Variants in FAM20A observed in about 807,000 individuals in gnomAD.
FAM20A encodes FAM20A golgi associated secretory pathway pseudokinase, also known as pseudokinase FAM20A.
A neutral mutation model predicts 52.0 loss-of-function variants in FAM20A; 42 were observed. That is an observed-to-expected ratio of 0.81 (90% CI 0.63 to 1.04). The LOEUF is 1.04. Among genes scored for constraint, FAM20A ranks in the 50% least tolerant of loss-of-function variants. The pLI, the probability that FAM20A is intolerant of heterozygous loss-of-function variation, is 0.00. For synonymous variants in FAM20A, 304 were observed against 298.9 expected (o/e 1.02, Z -0.18); for missense variants, 742 against 712.7 (o/e 1.04, Z -0.47).
At position 68,574,225 on chromosome 17, in the gene FAM20A, C is replaced by T. The variant is rs886781651; in HGVS notation, c.405-18482G>A. On this transcript the variant is annotated intron_variant, in intron 1 of 10. Coordinates refer to ENST00000592554, the MANE Select transcript of FAM20A (RefSeq NM_017565.4). ...GACCACAGGCGTGTGCCACCATGCC[C>T]GGCTAATTTTGTTTATTTTTATAGA... Among the ~76,000 whole-genome samples, 6 of 152,010 alleles carry T rather than the reference C, an allele frequency of 3.9e-5. 1 individual carries two copies. In the East Asian group the frequency reaches 7.7e-4, roughly 20 times the overall value.
chr17:68,591,883 C>T (rs775148222), intron 1 of FAM20A: 7 of 152,258 alleles, frequency 4.6e-5, no homozygotes, highest in Non-Finnish European at 8.8e-5. Flanking sequence ...TGAGAGGTAT[C>T]TTTCTTTTTT....
intron 8 of FAM20A, 92 bp from the exon 9 acceptor site, chr17:68,540,058 A>T: frequency 9.2e-7 from 1 of 1,084,412 alleles, no homozygotes; most frequent in Non-Finnish European, 1.4e-6. Flanking sequence ...GAGGCCTGTC[A>T]TCACTTGAGA....
intron 1 of FAM20A, among the ~76,000 whole-genome samples, chr17:68,579,701 A>C (rs1304229118): frequency 1.3e-5 from 2 of 152,156 alleles, no homozygotes; most frequent in Admixed American, 1.3e-4. Context: ...TGCTCCACAC[A>C]CTGACTCAGG....
chr17:68,570,021 G>A (rs889274415), intron 1 of FAM20A, among the ~76,000 whole-genome samples: 8 of 152,138 alleles, frequency 5.3e-5, no homozygotes, highest in African/African-American at 1.9e-4. Flanking sequence ...GTCTATTTCT[G>A]TTTCTGCTTA....
At chr17:68,548,488 C>T (rs919218435) in intron 4 of FAM20A, among the ~76,000 whole-genome samples, 4 of 151,850 alleles carry the variant, frequency 2.6e-5, no homozygotes, top group African/African-American at 9.7e-5. Context: ...TGAGATTGAA[C>T]CATTGCACTC....
Position 68,600,708 on chromosome 17 carries a change from C to T in FAM20A, c.-42G>A. ...GGGACGCCGGGGGCAGGCCGGCTGT[C>T]TCCGGGGTCCCGGGAGGGGTCGCGG... On this transcript the variant is annotated 5_prime_UTR_variant, in exon 1 of 11. Transcript: ENST00000592554. This position sits in a 1 kb window ranked among gnomAD's most constrained non-coding sequence, Gnocchi z 6.2. The T allele has an allele frequency of 1.3e-6, 2 of 1,523,620 alleles. No homozygotes were observed. The highest frequency in any genetic ancestry group is 1.2e-5 in the South Asian group (1 of 82,872). 94.4% of individuals were successfully genotyped at this position (1,523,620 alleles called of 1,614,324 possible).
In FAM20A at chr17:68,542,695, T is replaced by C; in HGVS notation, c.927A>G (p.Pro309=). 1 of 1,611,968 alleles carries C rather than the reference T, an allele frequency of 6.2e-7. No homozygotes were observed. Among genetic ancestry groups the C allele is most frequent in the Non-Finnish European group, 8.5e-7 (1 of 1,178,072 alleles). ...EILQSVFFVS[P]ASNVCFFAKC... Reference sequence around the variant, plus strand: ...ATATCACTCGGGCCAGTACTCTACCTGGAGAGACAAAGAAAACACTCTGCA... The same window carrying C: ...ATATCACTCGGGCCAGTACTCTACCCGGAGAGACAAAGAAAACACTCTGCA... Residue 309 remains proline, a splice_region_variant and synonymous_variant, in exon 6 of 11, where the codon CCA becomes CCG. Transcript: ENST00000592554.
chr17:68,573,881 T>C (rs912734740), intron 1 of FAM20A, among the ~76,000 whole-genome samples: 1 of 151,952 alleles, frequency 6.6e-6, no homozygotes, highest in Non-Finnish European at 1.5e-5. Flanking sequence ...TTTCACCATG[T>C]TGGCCAGGCT....
intron 1 of FAM20A, among the ~76,000 whole-genome samples, chr17:68,592,294 A>C (rs2088335880): frequency 6.6e-6 from 1 of 152,232 alleles, no homozygotes; most frequent in Non-Finnish European, 1.5e-5. Flanking sequence ...GTTAAAAAAA[A>C]GTACGTGAGC....
chr17:68,589,754 A>G (rs564814786), intron 1 of FAM20A, among the ~76,000 whole-genome samples: 1 of 152,388 alleles, frequency 6.6e-6, no homozygotes, highest in East Asian at 1.9e-4. Flanking sequence ...ATTTATTGAT[A>G]TAAATCTAAC....
At chr17:68,561,601 T>G (rs2087215657) in intron 1 of FAM20A, among the ~76,000 whole-genome samples, 1 of 151,636 alleles carries the variant, frequency 6.6e-6, no homozygotes, top group African/African-American at 2.4e-5. Flanking sequence ...CTTTTTTTTT[T>G]TTTTTTTTTA....
At chr17:68,545,210 T>TA (rs1384416695) in intron 4 of FAM20A, among the ~76,000 whole-genome samples, 2 of 152,244 alleles carry the variant, frequency 1.3e-5, no homozygotes, top group Non-Finnish European at 2.9e-5. Context: ...CACTGTGTTA[T>TA]GGTATGAAAA....
At chr17:68,585,169 G>T (rs1170810800) in intron 1 of FAM20A, among the ~76,000 whole-genome samples, 1 of 152,162 alleles carries the variant, frequency 6.6e-6, no homozygotes. Flanking sequence ...CCTTAGACCT[G>T]TGGCTTCCCT....
intron 5 of FAM20A, among the ~76,000 whole-genome samples, chr17:68,543,395 G>A (rs1464639914): frequency 2.0e-5 from 3 of 152,286 alleles, no homozygotes; most frequent in South Asian, 2.1e-4. Flanking sequence ...GGCGGGAAGC[G>A]TGTTCTTTGT....
At chr17:68,587,895 G>C (rs979696678) in intron 1 of FAM20A, among the ~76,000 whole-genome samples, 1 of 152,132 alleles carries the variant, frequency 6.6e-6, no homozygotes, top group African/African-American at 2.4e-5. Context: ...TAAAATATAG[G>C]CTGTCAACAG....
At chr17:68,581,356 TTCTTTCTTTCTTTCTTTC>T (rs1216595545) in intron 1 of FAM20A, among the ~76,000 whole-genome samples, 11 of 112,838 alleles carry the variant, frequency 9.7e-5, no homozygotes, top group Non-Finnish European at 1.9e-4. Context: ...CAGTTTTTCT[TTCTTTCTTTCTTTCTTTC>T]TTTCTTTCTT....
chr17:68,596,910 G>C (rs904637960), intron 1 of FAM20A, among the ~76,000 whole-genome samples: 1 of 152,186 alleles, frequency 6.6e-6, no homozygotes, highest in Non-Finnish European at 1.5e-5. Flanking sequence ...GAGTGAAGGA[G>C]GTTTGCAGAA....
chr17:68,568,802 T>C (rs1183243733), intron 1 of FAM20A, among the ~76,000 whole-genome samples: 1 of 151,862 alleles, frequency 6.6e-6, no homozygotes, highest in Non-Finnish European at 1.5e-5. Flanking sequence ...GGTTTATCTC[T>C]TCATCTCAAG....
At chr17:68,543,296 A>AT (rs1209139924) in intron 5 of FAM20A, among the ~76,000 whole-genome samples, 1 of 152,136 alleles carries the variant, frequency 6.6e-6, no homozygotes, top group Non-Finnish European at 1.5e-5. Context: ...ACCTAATATC[A>AT]TAACAGTGAG....
Sources: gnomAD v4.1 joint callset for allele counts (sites outside exome capture counted in the v4.1 genomes callset) on GRCh38, gnomAD v4.1.1 for gene constraint, Gnocchi (gnomAD v3.1) non-coding constraint, MANE v1.5 for transcripts, NCBI Gene and HGNC (gene_info 2026-07-23, HGNC 2026-07-21) for gene names.